The following SEMA6D variants were observed in gnomAD, a reference collection of about 807,000 sequenced individuals.
SEMA6D encodes the protein semaphorin 6D.
In SEMA6D, 35 loss-of-function variants were observed where a neutral mutation model predicts 106.6. The observed-to-expected ratio is 0.33, with a 90% CI of 0.25 to 0.44. The LOEUF (loss-of-function observed/expected upper bound fraction) is 0.44, where lower values mean the gene tolerates loss of function less well. Ranked by LOEUF, SEMA6D falls within the 20% of genes least tolerant of loss-of-function variation. The pLI, the probability that SEMA6D is intolerant of heterozygous loss-of-function variation, is 1.00. For missense variants in SEMA6D, 1,185 were observed against 1,345.9 expected (o/e 0.88, Z 1.87); for synonymous variants, 499 against 487.7 (o/e 1.02, Z -0.31).
intron 1 of SEMA6D, among the ~76,000 whole-genome samples, chr15:47,378,964 A>T (rs1381197791): frequency 6.6e-6 from 1 of 152,170 alleles, no homozygotes; most frequent in Non-Finnish European, 1.5e-5. Flanking sequence ...TTTCCCAGAT[A>T]ATTCTCTTCT....
intron 1 of SEMA6D, among the ~76,000 whole-genome samples, chr15:47,724,341 A>G (rs1001618290): frequency 1.3e-5 from 2 of 152,368 alleles, no homozygotes; most frequent in Admixed American, 6.5e-5. Flanking sequence ...GAGGAGCATC[A>G]CACAATTCCA....
intron 3 of SEMA6D, among the ~76,000 whole-genome samples, chr15:47,571,868 T>G (rs2142911611): frequency 1.3e-5 from 2 of 152,316 alleles, no homozygotes; most frequent in South Asian, 4.1e-4. Flanking sequence ...TGTACATCCT[T>G]TAGTTCATCA....
At chr15:47,355,588 T>G (rs1417201167) in intron 1 of SEMA6D, among the ~76,000 whole-genome samples, 1 of 152,222 alleles carries the variant, frequency 6.6e-6, no homozygotes, top group Non-Finnish European at 1.5e-5. Flanking sequence ...ACATCTGGTT[T>G]GCTCTAACTC....
intron 3 of SEMA6D, among the ~76,000 whole-genome samples, chr15:47,551,252 G>A (rs2045678063): frequency 6.6e-6 from 1 of 152,084 alleles, no homozygotes; most frequent in South Asian, 2.1e-4. Context: ...GAGAGTTTGT[G>A]CATTGCTTGG....
At chr15:47,383,725 C>T (rs983527983) in intron 1 of SEMA6D, among the ~76,000 whole-genome samples, 7 of 152,138 alleles carry the variant, frequency 4.6e-5, no homozygotes, top group African/African-American at 1.7e-4. Flanking sequence ...TTAGCTAATG[C>T]CCAGATTGAA....
rs2039621449 is a variant in SEMA6D, at chr15:47,380,994, G to C, written c.-238-31399G>C. ...ATGCTAAAAAGAGAAAATTAAAACAGCTGCAATTAAAAAACAAGAAAAACA... is the reference window on the plus strand; with the variant it reads ...ATGCTAAAAAGAGAAAATTAAAACACCTGCAATTAAAAAACAAGAAAAACA... On this transcript the variant is annotated intron_variant, in intron 1 of 19. Coordinates refer to the SEMA6D transcript ENST00000558014. Among the ~76,000 whole-genome samples, 10 of 152,148 alleles carry C rather than the reference G, an allele frequency of 6.6e-5. 1 individual carries two copies. Among genetic ancestry groups the C allele is most frequent in the Admixed American group, 5.9e-4 (9 of 15,270 alleles).
intron 1 of SEMA6D, among the ~76,000 whole-genome samples, chr15:47,189,601 A>G (rs1024577511): frequency 6.6e-6 from 1 of 152,220 alleles, no homozygotes; most frequent in African/African-American, 2.4e-5. Context: ...TAAACTTCCA[A>G]ATCTAACCAG....
intron 1 of SEMA6D, among the ~76,000 whole-genome samples, chr15:47,283,454 C>A (rs1024625208): frequency 6.6e-6 from 1 of 152,156 alleles, no homozygotes; most frequent in Non-Finnish European, 1.5e-5. Context: ...TGTTTACTTA[C>A]AGCTTACATC....
At chr15:47,347,004 G>A (rs1249594851) in intron 1 of SEMA6D, among the ~76,000 whole-genome samples, 1 of 152,168 alleles carries the variant, frequency 6.6e-6, no homozygotes, top group South Asian at 2.1e-4. Context: ...CCCCTCCCGG[G>A]TTCAAGCGAT....
At chr15:47,654,578 T>A (rs973349717) in intron 4 of SEMA6D, among the ~76,000 whole-genome samples, 1 of 152,212 alleles carries the variant, frequency 6.6e-6, no homozygotes, top group Non-Finnish European at 1.5e-5. Flanking sequence ...ATGTTGGCGA[T>A]TGGGCCTGGT....
rs1347905881 is a variant in SEMA6D, at chr15:47,608,220, T to G, written c.-55+7324T>G. On this transcript the variant is annotated intron_variant, in intron 4 of 19. Transcript: ENST00000558014. ...ACTTACTTAGATGATTTAAAAGACA[T>G]AAAAATATTTAATCCATAGATTACT... 2.0e-5 allele frequency among the ~76,000 whole-genome samples: 3 copies of G among 152,188 alleles called. No individual in the cohort carries two copies. In the East Asian group the frequency reaches 5.8e-4, roughly 29 times the overall value.
chr15:47,477,957 T>TTA (rs2043046368), intron 3 of SEMA6D, among the ~76,000 whole-genome samples: 4 of 152,280 alleles, frequency 2.6e-5, no homozygotes, highest in Non-Finnish European at 5.9e-5. Flanking sequence ...TAGCTTGAAG[T>TTA]TACAGCAAAA....
At chr15:47,299,658 A>G (rs1166741263) in intron 1 of SEMA6D, among the ~76,000 whole-genome samples, 1 of 152,208 alleles carries the variant, frequency 6.6e-6, no homozygotes, top group Non-Finnish European at 1.5e-5. Flanking sequence ...GAATATGTGT[A>G]TTGTTATTCT....
intron 9 of SEMA6D, 81 bp from the exon 10 acceptor site, chr15:47,763,769 C>A: frequency 8.3e-7 from 1 of 1,207,914 alleles, no homozygotes; most frequent in Non-Finnish European, 1.2e-6. Context: ...TATTTTTTGT[C>A]CCTCCCTTAA....
At chr15:47,763,156 G>C in intron 9 of SEMA6D, 52 bp downstream of exon 9, 1 of 1,387,648 alleles carries the variant, frequency 7.2e-7, no homozygotes, top group South Asian at 1.2e-5. Context: ...ATGAAATTGA[G>C]ACCACTGTGA....
chr15:47,595,065 G>A (rs1484684188), intron 3 of SEMA6D, among the ~76,000 whole-genome samples: 2 of 152,176 alleles, frequency 1.3e-5, no homozygotes, highest in East Asian at 3.8e-4. Context: ...AGGTGCCAGA[G>A]GTTGAAAGTC....
At chr15:47,363,867 C>T (rs1477186010) in intron 1 of SEMA6D, among the ~76,000 whole-genome samples, 10 of 151,986 alleles carry the variant, frequency 6.6e-5, no homozygotes, top group Non-Finnish European at 1.3e-4. Flanking sequence ...TGGCGGAAGG[C>T]GAAGGGGAAG....
At chr15:47,581,889 A>T (rs769940815) in intron 3 of SEMA6D, among the ~76,000 whole-genome samples, 4 of 74,590 alleles carry the variant, frequency 5.4e-5, no homozygotes, top group Non-Finnish European at 1.1e-4. Context: ...TCTAGGTCTC[A>T]TATCTTTTCT....
At chr15:47,363,099 A>G (rs2038873773) in intron 1 of SEMA6D, among the ~76,000 whole-genome samples, 1 of 152,162 alleles carries the variant, frequency 6.6e-6, no homozygotes. Context: ...AAACTGTTCT[A>G]TGAAGTTGTA....
Sources: allele counts gnomAD v4.1 joint callset (sites outside exome capture counted in the v4.1 genomes callset), GRCh38; gene constraint gnomAD v4.1.1; transcripts MANE v1.5; gene names NCBI Gene and HGNC (gene_info 2026-07-23, HGNC 2026-07-21).